Variants in PDE3A observed in about 807,000 individuals in gnomAD.
PDE3A encodes phosphodiesterase 3A.
In PDE3A, 43 loss-of-function variants were observed where a neutral mutation model predicts 98.3. The ratio of observed to expected loss-of-function variants is 0.44; its 90% CI spans 0.34 to 0.56. The LOEUF (loss-of-function observed/expected upper bound fraction) is 0.56, where lower values mean the gene tolerates loss of function less well. PDE3A is among the 20% of genes least tolerant of loss of function. The pLI, the probability that PDE3A is intolerant of heterozygous loss-of-function variation, is 0.01. For missense variants in PDE3A, 1,427 were observed against 1,440.7 expected, an observed-to-expected ratio of 0.99 and a Z score of 0.15; for synonymous variants, 663 against 567.9, an observed-to-expected ratio of 1.17 and a Z score of -2.38.
intron 2 of PDE3A, among the ~76,000 whole-genome samples, chr12:20,574,224 G>T (rs1942873885): frequency 6.6e-6 from 1 of 151,990 alleles, no homozygotes; most frequent in Non-Finnish European, 1.5e-5. Context: ...AACTATACCT[G>T]GTCTTCTTAA....
intron 2 of PDE3A, among the ~76,000 whole-genome samples, chr12:20,610,238 A>G (rs1943815837): frequency 6.6e-6 from 1 of 152,066 alleles, no homozygotes; most frequent in Non-Finnish European, 1.5e-5. Flanking sequence ...GGCAAAGGAC[A>G]TGAACAGACA....
intron 1 of PDE3A, among the ~76,000 whole-genome samples, chr12:20,490,493 A>G (rs1021248830): frequency 3.3e-5 from 5 of 152,188 alleles, no homozygotes; most frequent in African/African-American, 1.2e-4. Flanking sequence ...GGAGAATATA[A>G]GGCTTCTCAG....
At chr12:20,395,540 G>A (rs1159201700) in intron 1 of PDE3A, among the ~76,000 whole-genome samples, 2 of 144,736 alleles carry the variant, frequency 1.4e-5, no homozygotes, top group African/African-American at 2.6e-5. Flanking sequence ...AGTATAATAT[G>A]TATACTATGT....
chr12:20,370,302 C>T (rs1414629319), intron 1 of PDE3A, 58 bp downstream of exon 1: 3 of 1,445,972 alleles, frequency 2.1e-6, no homozygotes, highest in African/African-American at 2.8e-5. Context: ...TGGCAACCGG[C>T]GCAGAGTGGA....
chr12:20,369,497 C>T lies in PDE3A; in HGVS notation c.213C>T (p.Ser71=). The T allele has an allele frequency of 6.4e-7, 1 of 1,559,440 alleles. No homozygotes were observed. Among genetic ancestry groups the T allele is most frequent in the East Asian group, 2.4e-5 (1 of 41,730 alleles). Residue 71 remains serine (S), a synonymous_variant, in exon 1 of 16, where the codon TCC becomes TCT. Transcript: ENST00000359062. ...LSSALCAGSL[S]FLLALLVRLV... is the part of the protein sequence containing the mutation. ...CCGCGCTGTGCGCGGGCTCCCTGTC[C>T]TTTCTGCTGGCGCTGCTGGTGAGGC... is the stretch of plus-strand genomic sequence containing the variant.
intron 1 of PDE3A, among the ~76,000 whole-genome samples, chr12:20,425,689 A>G (rs888151594): frequency 6.6e-6 from 1 of 152,182 alleles, no homozygotes; most frequent in Admixed American, 6.6e-5. Context: ...GCATAGTTCT[A>G]TTTAAGAGAA....
At chr12:20,373,203 C>T (rs1050571578) in intron 1 of PDE3A, among the ~76,000 whole-genome samples, 61 of 152,000 alleles carry the variant, frequency 4.0e-4, no homozygotes, top group African/African-American at 1.3e-3. Context: ...ACCCAGTGTC[C>T]GCAATACTGA....
intron 1 of PDE3A, among the ~76,000 whole-genome samples, chr12:20,436,428 C>T (rs1944780064): frequency 1.3e-5 from 2 of 152,154 alleles, no homozygotes; most frequent in Admixed American, 1.3e-4. Context: ...CCCCTGAGCC[C>T]ACCAGTGTTC....
intron 1 of PDE3A, among the ~76,000 whole-genome samples, chr12:20,397,173 T>C (rs1944034528): frequency 6.6e-6 from 1 of 152,150 alleles, no homozygotes; most frequent in African/African-American, 2.4e-5. Context: ...TTCTCATTAG[T>C]ACTCTGAGGT....
At chr12:20,518,878 T>C (rs1344831761) in intron 1 of PDE3A, among the ~76,000 whole-genome samples, 4 of 152,230 alleles carry the variant, frequency 2.6e-5, no homozygotes, top group African/African-American at 9.6e-5. Context: ...GTAGCCACAG[T>C]CACATGTGGT....
intron 2 of PDE3A, among the ~76,000 whole-genome samples, chr12:20,573,026 A>G (rs1468788091): frequency 6.6e-6 from 1 of 152,094 alleles, no homozygotes; most frequent in Non-Finnish European, 1.5e-5. Flanking sequence ...GGTTCATTTG[A>G]GAGTGAAGTG....
chr12:20,607,958 A>G (rs1430641468), intron 2 of PDE3A, among the ~76,000 whole-genome samples: 1 of 152,098 alleles, frequency 6.6e-6, no homozygotes, highest in East Asian at 1.9e-4. Flanking sequence ...ATATTTAATT[A>G]TATTATTTTT....
intron 2 of PDE3A, among the ~76,000 whole-genome samples, chr12:20,576,389 T>C (rs1217150399): frequency 6.6e-6 from 1 of 152,074 alleles, no homozygotes; most frequent in East Asian, 1.9e-4. Flanking sequence ...ATGTTACAAT[T>C]TTTATATTAT....
At chr12:20,542,893 T>C in intron 1 of PDE3A, among the ~76,000 whole-genome samples, 1 of 151,986 alleles carries the variant, frequency 6.6e-6, no homozygotes, top group African/African-American at 2.4e-5. Flanking sequence ...AACCTAAATA[T>C]ATAGGGAAAC....
intron 1 of PDE3A, among the ~76,000 whole-genome samples, chr12:20,385,276 A>G (rs1238802920): frequency 1.3e-5 from 2 of 152,080 alleles, no homozygotes; most frequent in Admixed American, 1.3e-4. Flanking sequence ...GATCATTAAA[A>G]AGTCAGGAAG....
At chr12:20,395,751 T>C (rs1190012344) in intron 1 of PDE3A, among the ~76,000 whole-genome samples, 1 of 150,590 alleles carries the variant, frequency 6.6e-6, no homozygotes, top group Non-Finnish European at 1.5e-5. Context: ...GAAAATAATA[T>C]TTGACAATTT....
chr12:20,492,228 C>G (rs184965676), intron 1 of PDE3A, among the ~76,000 whole-genome samples: 19 of 152,218 alleles, frequency 1.2e-4, no homozygotes, highest in African/African-American at 4.6e-4. Context: ...TGATCCTCCT[C>G]CCACCTCGCC....
intron 2 of PDE3A, among the ~76,000 whole-genome samples, chr12:20,596,033 T>A (rs1943458594): frequency 6.6e-6 from 1 of 152,198 alleles, no homozygotes; most frequent in African/African-American, 2.4e-5. Flanking sequence ...TTTAAAAGAT[T>A]ATTTTTGAAT....
intron 1 of PDE3A, among the ~76,000 whole-genome samples, chr12:20,507,555 T>G (rs943513097): frequency 1.3e-5 from 2 of 152,054 alleles, no homozygotes; most frequent in African/African-American, 4.8e-5. Context: ...TTGCAATAAT[T>G]GGCTTCTTGA....
Sources: gnomAD v4.1 joint callset for allele counts (sites outside exome capture counted in the v4.1 genomes callset) on GRCh38, gnomAD v4.1.1 for gene constraint, MANE v1.5 for transcripts, NCBI Gene and HGNC (gene_info 2026-07-23, HGNC 2026-07-21) for gene names.